The following AZIN2 variants were observed in gnomAD, a reference collection of about 807,000 sequenced individuals.
The protein encoded by AZIN2 is antizyme inhibitor 2.
A neutral mutation model predicts 47.8 loss-of-function variants in AZIN2; 28 were observed. The ratio of observed to expected loss-of-function variants is 0.59; its 90% CI spans 0.43 to 0.80. The LOEUF (loss-of-function observed/expected upper bound fraction) is 0.80. Ranked by LOEUF, AZIN2 falls within the 30% of genes least tolerant of loss-of-function variation. The pLI, the probability that AZIN2 is intolerant of heterozygous loss-of-function variation, is 0.00. For missense variants in AZIN2, 535 were observed against 582.5 expected, an observed-to-expected ratio of 0.92 and a Z score of 0.84; for synonymous variants, 221 against 239.4, an observed-to-expected ratio of 0.92 and a Z score of 0.71.
At position 33,117,274 on chromosome 1, in the gene AZIN2, G is replaced by A. The variant is rs1332611455; in HGVS notation, c.1030-628G>A. Among the ~76,000 whole-genome samples the A allele has an allele frequency of 9.2e-5, 14 of 152,222 alleles. No homozygotes were observed. In the South Asian group the frequency reaches 2.9e-3, roughly 32 times the overall value. ...AGACTGAGGGCCTGAGGGAGGGTGA[G>A]TCTAGCCTGGTATACTGCTGGCTCC... On this transcript the variant is annotated intron_variant, in intron 10 of 11. Coordinates refer to ENST00000294517, the MANE Select transcript of AZIN2 (RefSeq NM_052998.4).
the AZIN2 span, chr1:33,165,617 G>T: frequency 6.6e-7 from 1 of 1,514,872 alleles, no homozygotes. The surrounding 1 kb of genome is among the most constrained non-coding windows in gnomAD (Gnocchi z 4.0). Context: ...CCTGGCCCAG[G>T]CATTCAGCCC....
chr1:33,146,250 G>A, the AZIN2 span: 1 of 213,354 alleles, frequency 4.7e-6, no homozygotes, highest in Non-Finnish European at 9.5e-6. Flanking sequence ...TCTGCAGCAG[G>A]ATCCTAACTG....
Position 33,100,000 on chromosome 1 carries a change from G to C in AZIN2, c.1029+1821G>C, listed in dbSNP as rs533286342. Reference sequence around the variant, plus strand: ...TTTGCATACCTGCTCTTCCTTCCCAGGGACTTTGTGTTTAGACCTGGGTAT... The same window carrying C: ...TTTGCATACCTGCTCTTCCTTCCCACGGACTTTGTGTTTAGACCTGGGTAT... On this transcript the variant is annotated intron_variant, in intron 10 of 11. Coordinates refer to ENST00000294517, the MANE Select transcript of AZIN2 (RefSeq NM_052998.4). Among the ~76,000 whole-genome samples, 22 of 151,160 alleles carry C rather than the reference G, an allele frequency of 1.5e-4. No individual in the cohort carries two copies. The South Asian group carries it at 4.6e-3, about 32-fold the overall frequency.
At chr1:33,137,155 A>C in the AZIN2 span, among the ~76,000 whole-genome samples, 3 of 151,928 alleles carry the variant, frequency 2.0e-5, no homozygotes, top group Non-Finnish European at 4.4e-5. Flanking sequence ...CAGTTTCCTT[A>C]ACTGTAGCAA....
At chr1:33,132,653 C>T in the AZIN2 span, among the ~76,000 whole-genome samples, 1 of 152,240 alleles carries the variant, frequency 6.6e-6, no homozygotes, top group Admixed American at 6.5e-5. Flanking sequence ...ATGCACTTCT[C>T]ATACTCTGTT....
rs1644381574 is a variant in AZIN2, at chr1:33,113,526, G to A, written c.1030-4376G>A. Among the ~76,000 whole-genome samples, 4 of 152,064 alleles carry A rather than the reference G, an allele frequency of 2.6e-5. No homozygotes were observed. In the South Asian group the frequency reaches 6.2e-4, roughly 24 times the overall value. ...TATTTCTTCATCTTCTATGTATTAT[G>A]CTTTTTTGTTTCTTTTTTTCTGATA... On this transcript the variant is annotated intron_variant, in intron 10 of 11. Transcript: ENST00000294517. This position sits in a 1 kb window ranked among gnomAD's most constrained non-coding sequence, Gnocchi z 4.1.
At chr1:33,105,839 T>C (rs1195650855) in intron 10 of AZIN2, among the ~76,000 whole-genome samples, 2 of 152,176 alleles carry the variant, frequency 1.3e-5, no homozygotes, top group Non-Finnish European at 2.9e-5. Flanking sequence ...GCAAGTATCA[T>C]GGGAGTTTTA....
chr1:33,144,436 T>C, the AZIN2 span, among the ~76,000 whole-genome samples: 32,895 of 152,100 alleles, frequency 0.22, 3,625 homozygotes, highest in South Asian at 0.3. Context: ...CTGCGCCCGG[T>C]GGCTTTAATG....
chr1:33,133,918 A>G, the AZIN2 span, among the ~76,000 whole-genome samples: 2 of 152,340 alleles, frequency 1.3e-5, no homozygotes, highest in South Asian at 2.1e-4. Context: ...ATGTGATCCT[A>G]ATACCACCAG....
the AZIN2 span, among the ~76,000 whole-genome samples, chr1:33,128,953 G>A: frequency 2.6e-5 from 4 of 152,202 alleles, no homozygotes; most frequent in Non-Finnish European, 5.9e-5. Flanking sequence ...TCTGATTAGG[G>A]ATAGATAAAG....
At chr1:33,126,971 G>A (rs1282132598), downstream of AZIN2, among the ~76,000 whole-genome samples, 2 of 152,138 alleles carry the variant, frequency 1.3e-5, no homozygotes, top group Admixed American at 6.5e-5. Context: ...GTCCCTGTAC[G>A]CTGCATGTCC....
chr1:33,096,564 T>C lies in AZIN2; in HGVS notation c.754-143T>C, dbSNP rs565806232. On this transcript the variant is annotated intron_variant, in intron 8 of 11. Transcript: ENST00000294517. ...CTTCTTGGCCAGCTGTCCACAGTTA[T>C]CAGCTGGGGCCTTAGCAGCTGCCAA... 36 of 996,236 alleles carry C rather than the reference T, an allele frequency of 3.6e-5. No homozygotes were observed. The East Asian group carries it at 4.9e-4, about 14-fold the overall frequency. The allele number at this position is 996,236 out of a possible 1,614,324, so 61.7% of individuals were successfully genotyped here. A position where few individuals can be genotyped will look rare whatever the true frequency, so the allele number is the denominator to read the frequency against.
chr1:33,147,249 G>T, the AZIN2 span: 3 of 1,613,942 alleles, frequency 1.9e-6, no homozygotes, highest in Non-Finnish European at 2.5e-6. This position sits in a 1 kb window ranked among gnomAD's most constrained non-coding sequence, Gnocchi z 8.1. Context: ...CAGGGCTGAA[G>T]TAAGAGCAGA....
At chr1:33,093,566 T>C in intron 7 of AZIN2, 150 bp downstream of exon 7, 1 of 1,167,492 alleles carries the variant, frequency 8.6e-7, no homozygotes, top group Non-Finnish European at 1.2e-6. Flanking sequence ...TTCCTCTGTT[T>C]GAAAAGGAAG....
chr1:33,132,860 A>C, the AZIN2 span, among the ~76,000 whole-genome samples: 1 of 152,228 alleles, frequency 6.6e-6, no homozygotes, highest in Non-Finnish European at 1.5e-5. Context: ...CTGGGCTTTT[A>C]AAATTAGCGG....
downstream of AZIN2, among the ~76,000 whole-genome samples, chr1:33,124,122 T>C (rs928149710): frequency 2.0e-5 from 3 of 152,150 alleles, no homozygotes; most frequent in Non-Finnish European, 4.4e-5. The surrounding 1 kb of genome is among the most constrained non-coding windows in gnomAD (Gnocchi z 4.6). Flanking sequence ...GCCGAGATCC[T>C]GCCATTGCAC....
chr1:33,101,360 TTTTG>T (rs1357156906), intron 10 of AZIN2, among the ~76,000 whole-genome samples: 1 of 152,106 alleles, frequency 6.6e-6, no homozygotes, highest in African/African-American at 2.4e-5. Flanking sequence ...TTTAAGTCTG[TTTTG>T]TTTGTTTGTT....
chr1:33,124,703 G>A (rs1405020971), downstream of AZIN2, among the ~76,000 whole-genome samples: 1 of 152,058 alleles, frequency 6.6e-6, no homozygotes, highest in African/African-American at 2.4e-5. The surrounding 1 kb of genome is among the most constrained non-coding windows in gnomAD (Gnocchi z 4.6). Context: ...TCGGTGTGTG[G>A]TGTTCCCCAA....
the AZIN2 span, among the ~76,000 whole-genome samples, chr1:33,128,816 A>T: frequency 6.6e-6 from 1 of 152,254 alleles, no homozygotes; most frequent in Non-Finnish European, 1.5e-5. Context: ...CTACTTATGG[A>T]AAAATCAGTA....
Sources: gnomAD v4.1 joint callset for allele counts (sites outside exome capture counted in the v4.1 genomes callset) on GRCh38, gnomAD v4.1.1 for gene constraint, Gnocchi (gnomAD v3.1) non-coding constraint, MANE v1.5 for transcripts, NCBI Gene and HGNC (gene_info 2026-07-23, HGNC 2026-07-21) for gene names.